The following FLYWCH1 variants were observed in gnomAD, a reference collection of about 807,000 sequenced individuals.
FLYWCH1 encodes FLYWCH-type zinc finger-containing protein 1.
Under a neutral mutation model 66.4 loss-of-function variants are expected in FLYWCH1, and 75 were observed. That is an observed-to-expected ratio of 1.13 (90% CI 0.94 to 1.37). The LOEUF (loss-of-function observed/expected upper bound fraction) is 1.37. FLYWCH1 is among the 40% of genes most tolerant of loss of function. The pLI, the probability that FLYWCH1 is intolerant of heterozygous loss-of-function variation, is 0.00. For synonymous variants in FLYWCH1, 595 were observed against 429.9 expected (o/e 1.38, Z -4.75); for missense variants, 1,334 against 1,001.8 (o/e 1.33, Z -4.48).
Position 2,938,396 on chromosome 16 carries a change from G to A in FLYWCH1, c.1990G>A (p.Gly664Ser). ...CCACTGCCATCAGCCTGACCTGGCAGGCCTGGAGGCCTTGAGGCAACGGGA... is the reference window on the plus strand; with the variant it reads ...CCACTGCCATCAGCCTGACCTGGCAAGCCTGGAGGCCTTGAGGCAACGGGA... Reference protein sequence around the residue: ...RSHCHQPDLAGLEALRQRERL... With the variant: ...RSHCHQPDLASLEALRQRERL... Residue 664 changes from glycine to serine, a missense_variant, in exon 8 of 10, where the codon GGC becomes AGC. Gly to Ser is a moderately conservative substitution (Grantham distance 56). Transcript: ENST00000253928. 1.3e-6 allele frequency: 2 copies of A among 1,552,380 alleles called. No homozygotes were observed. Among genetic ancestry groups the A allele is most frequent in the Non-Finnish European group, 1.7e-6 (2 of 1,148,676 alleles).
chr16:2,940,136 A>G lies in FLYWCH1; in HGVS notation c.2111+44A>G, dbSNP rs112113360. 1,304 of 913,416 alleles carry G rather than the reference A, an allele frequency of 1.4e-3. 13 individuals are homozygous for G. The African/African-American group carries it at 0.018, about 13-fold the overall frequency. The allele number at this position is 913,416 out of a possible 1,614,324, so 56.6% of individuals were successfully genotyped here. A position where few individuals can be genotyped will look rare whatever the true frequency, so the allele number is the denominator to read the frequency against. On this transcript the variant is annotated intron_variant, in intron 9 of 9. Transcript: ENST00000253928. Reference sequence around the variant, plus strand: ...TAATGGTGCATGACCAATTACAACAAAACGTAGTGGGCTTAAAACAACAAA... The same window carrying G: ...TAATGGTGCATGACCAATTACAACAGAACGTAGTGGGCTTAAAACAACAAA...
chr16:2,944,407 A>G (rs56780251), intron 9 of FLYWCH1, among the ~76,000 whole-genome samples: 1 of 143,572 alleles, frequency 7.0e-6, no homozygotes, highest in Non-Finnish European at 1.6e-5. Context: ...AAAAAAAAAA[A>G]AAAAGATCAC....
chr16:2,934,074 G>T (rs916680599), intron 6 of FLYWCH1, 95 bp downstream of exon 6: 3 of 1,367,156 alleles, frequency 2.2e-6, no homozygotes, highest in Non-Finnish European at 2.9e-6. Context: ...CCTGGCAAAC[G>T]TCCTCTTCCC....
chr16:2,934,372 T>C (rs558993866), intron 6 of FLYWCH1, among the ~76,000 whole-genome samples: 8 of 152,282 alleles, frequency 5.3e-5, no homozygotes, highest in Admixed American at 4.6e-4. Context: ...GGAGGTGATA[T>C]TTACTTACAT....
At chr16:2,945,437 C>A (rs1472284999) in intron 9 of FLYWCH1, among the ~76,000 whole-genome samples, 3 of 138,278 alleles carry the variant, frequency 2.2e-5, no homozygotes, top group Admixed American at 7.7e-5. Context: ...AGTGAGCCGA[C>A]ATTCATGCCA....
chr16:2,930,329 C>T (rs1405093922), intron 3 of FLYWCH1, 81 bp from the exon 4 acceptor site: 2 of 857,570 alleles, frequency 2.3e-6, no homozygotes, highest in East Asian at 5.5e-5. Flanking sequence ...ACTCAGGATC[C>T]CCACGCCCTC....
At chr16:2,928,497 G>C (rs1399612687) in intron 2 of FLYWCH1, among the ~76,000 whole-genome samples, 1 of 152,150 alleles carries the variant, frequency 6.6e-6, no homozygotes, top group East Asian at 1.9e-4. Context: ...CATACTGTCT[G>C]CAAACATATT....
At chr16:2,914,368 T>A (rs1417704462) in intron 2 of FLYWCH1, 79 bp downstream of exon 2, 1 of 152,278 alleles carries the variant, frequency 6.6e-6, no homozygotes, top group Non-Finnish European at 1.5e-5. Context: ...GACCCCTTGG[T>A]GTCTGAGAGA....
In FLYWCH1 at chr16:2,933,166, A is replaced by C. The variant is rs1009315640; in HGVS notation, c.833A>C (p.Tyr278Ser). 5 of 1,613,510 alleles carry C rather than the reference A, an allele frequency of 3.1e-6. No individual in the cohort carries two copies. The highest frequency in any genetic ancestry group is 2.7e-5 in the African/African-American group (2 of 74,912). ...CCCCTCGAGTTCCTGAGGACGTGCT[A>C]CGGGGGCAGCTTCCTGGTACACGAG... Reference protein sequence around the residue: ...ARPLEFLRTCYGGSFLVHESF... With the variant: ...ARPLEFLRTCSGGSFLVHESF... The change falls in exon 5 of 10, where the codon TAC becomes TCC. Residue 278 changes from tyrosine to serine, a missense_variant. Tyr to Ser is a moderately radical substitution (Grantham distance 144, BLOSUM62 -2). Transcript: ENST00000253928.
At chr16:2,944,488 T>C (rs571046645) in intron 9 of FLYWCH1, among the ~76,000 whole-genome samples, 11 of 152,158 alleles carry the variant, frequency 7.2e-5, no homozygotes, top group Non-Finnish European at 1.5e-4. Context: ...TACTATACTT[T>C]TTATCATTAC....
intron 6 of FLYWCH1, chr16:2,936,517 G>A (rs776071555): frequency 3.1e-5 from 12 of 391,838 alleles, no homozygotes; most frequent in South Asian, 8.6e-5. Context: ...ACTGCCACCC[G>A]ATGTGTCCAC....
At chr16:2,917,794 C>T (rs547306353) in intron 2 of FLYWCH1, among the ~76,000 whole-genome samples, 231 of 151,928 alleles carry the variant, frequency 1.5e-3, no homozygotes, top group Admixed American at 4.3e-3. Flanking sequence ...TTTGGCCTCC[C>T]TCTTCCCCTC....
rs1447914912 is a variant in FLYWCH1, at chr16:2,930,879, G to A, written c.795G>A (p.Leu265=). ...LPPKKRSILG[L]GQARPLEFLR... is the part of the protein sequence containing the mutation. Reference sequence around the variant, plus strand: ...CCAAGAAGCGCTCGATCCTGGGGCTGGGTGAGTACAATCCACTCCCCTGCT... The same window carrying A: ...CCAAGAAGCGCTCGATCCTGGGGCTAGGTGAGTACAATCCACTCCCCTGCT... The change falls in exon 4 of 10, where the codon CTG becomes CTA. Residue 265 remains leucine (L), a splice_region_variant and synonymous_variant. Coordinates refer to ENST00000253928, the MANE Select transcript of FLYWCH1 (RefSeq NM_001308068.2). 3 of 1,585,510 alleles carry A rather than the reference G, an allele frequency of 1.9e-6. No individual in the cohort carries two copies. Among genetic ancestry groups the A allele is most frequent in the African/African-American group, 1.3e-5 (1 of 74,432 alleles).
intron 3 of FLYWCH1, 135 bp from the exon 4 acceptor site, chr16:2,930,275 T>G (rs77106853): frequency 4.7e-6 from 3 of 642,794 alleles, no homozygotes; most frequent in Non-Finnish European, 7.9e-6. Flanking sequence ...GCCCTGAGAG[T>G]CTGGGCTTCT....
chr16:2,919,329 G>T (rs1418898575), intron 2 of FLYWCH1, among the ~76,000 whole-genome samples: 1 of 150,566 alleles, frequency 6.6e-6, no homozygotes, highest in Non-Finnish European at 1.5e-5. Flanking sequence ...ACAGTGGTAT[G>T]GTCTCGGCTC....
chr16:2,948,114 G>A (rs1445075692), intron 9 of FLYWCH1, among the ~76,000 whole-genome samples: 2 of 152,214 alleles, frequency 1.3e-5, no homozygotes, highest in Non-Finnish European at 2.9e-5. Flanking sequence ...GTGATGGCCT[G>A]TGGCTTCTAG....
intron 2 of FLYWCH1, among the ~76,000 whole-genome samples, chr16:2,921,381 G>T (rs114479101): frequency 4.0e-5 from 6 of 151,726 alleles, no homozygotes; most frequent in Non-Finnish European, 8.8e-5. Context: ...AAAGCCAGAG[G>T]GAGGATGGTT....
At position 2,933,996 on chromosome 16, in the gene FLYWCH1, T is replaced by G. The variant is rs2070890700; in HGVS notation, c.1513+17T>G. ...GGAGCCCAGGTACCTGGGGGTGGGC[T>G]GGGAGCTGGGCCCCAGGAAGCAGGC... On this transcript the variant is annotated intron_variant, in intron 6 of 9. Coordinates refer to ENST00000253928, the MANE Select transcript of FLYWCH1 (RefSeq NM_001308068.2). The G allele has an allele frequency of 8.0e-6, 12 of 1,505,866 alleles. No individual in the cohort carries two copies. Among genetic ancestry groups the G allele is most frequent in the South Asian group, 3.8e-5 (3 of 79,820 alleles). The allele number at this position is 1,505,866 out of a possible 1,614,324, so 93.3% of individuals were successfully genotyped here. A position where few individuals can be genotyped will look rare whatever the true frequency, so the allele number is the denominator to read the frequency against.
chr16:2,949,693 C>T lies in FLYWCH1; in HGVS notation c.*966C>T, dbSNP rs927140450. 1 of 152,094 alleles carries T rather than the reference C, an allele frequency of 6.6e-6. No homozygotes were observed. The highest frequency in any genetic ancestry group is 2.4e-5 in the African/African-American group (1 of 41,390). The allele number at this position is 152,094 out of a possible 1,614,324, so 9.4% of individuals were successfully genotyped here. ...TTGTGGGGGGAGTGCCAGCAACAGG[C>T]CTGTCCCCTGGCAAGTTGGCCACGG... On this transcript the variant is annotated 3_prime_UTR_variant, in exon 10 of 10. Coordinates refer to ENST00000253928, the MANE Select transcript of FLYWCH1 (RefSeq NM_001308068.2).
Sources: gnomAD v4.1 joint callset for allele counts (sites outside exome capture counted in the v4.1 genomes callset) on GRCh38, gnomAD v4.1.1 for gene constraint, MANE v1.5 for transcripts, NCBI Gene and HGNC (gene_info 2026-07-23, HGNC 2026-07-21) for gene names.